Variants in TMTC2 observed in about 807,000 individuals in gnomAD.
TMTC2 encodes transmembrane O-mannosyltransferase targeting cadherins 2.
In TMTC2, 43 loss-of-function variants were observed where a neutral mutation model predicts 82.4. The observed-to-expected ratio is 0.52, with a 90% CI of 0.41 to 0.67. The LOEUF is 0.67. Ranked by LOEUF, TMTC2 falls within the 30% of genes least tolerant of loss-of-function variation. TMTC2 has a pLI of 0.00. For synonymous variants in TMTC2, 408 were observed against 381.9 expected (o/e 1.07, Z -0.80); for missense variants, 919 against 1,012.4 (o/e 0.91, Z 1.25).
At chr12:82,833,420 CT>C (rs373636253) in intron 1 of TMTC2, among the ~76,000 whole-genome samples, 29 of 152,132 alleles carry the variant, frequency 1.9e-4, no homozygotes, top group African/African-American at 6.0e-4. Context: ...AAAAAAACTT[CT>C]ATGTTTTAAA....
At chr12:82,710,216 C>G (rs559542913) in intron 1 of TMTC2, among the ~76,000 whole-genome samples, 4 of 152,294 alleles carry the variant, frequency 2.6e-5, no homozygotes, top group African/African-American at 7.2e-5. Context: ...TGGTGCTACT[C>G]GATCAATTGA....
intron 7 of TMTC2, among the ~76,000 whole-genome samples, chr12:82,975,280 CAGTA>C (rs898464827): frequency 6.6e-5 from 10 of 152,152 alleles, no homozygotes; most frequent in South Asian, 4.2e-4. Flanking sequence ...CTGATTTTCC[CAGTA>C]AGTAAGGGAA....
chr12:82,898,956 A>T (rs1459659882), intron 3 of TMTC2, among the ~76,000 whole-genome samples: 1 of 152,250 alleles, frequency 6.6e-6, no homozygotes, highest in East Asian at 1.9e-4. Context: ...ATTTTCCAGC[A>T]TTAGCTGGTA....
intron 7 of TMTC2, among the ~76,000 whole-genome samples, chr12:82,974,909 T>C (rs1878603101): frequency 6.6e-6 from 1 of 152,080 alleles, no homozygotes; most frequent in Non-Finnish European, 1.5e-5. Context: ...AGCACCCCTT[T>C]GGAAAGAGGA....
At chr12:82,981,112 T>C (rs893311897) in intron 7 of TMTC2, among the ~76,000 whole-genome samples, 14 of 151,578 alleles carry the variant, frequency 9.2e-5, no homozygotes, top group Non-Finnish European at 1.8e-4. Flanking sequence ...TGTTCAAGAG[T>C]TTTTTAAGAA....
intron 4 of TMTC2, among the ~76,000 whole-genome samples, chr12:82,950,039 G>T (rs1396886498): frequency 6.6e-6 from 1 of 152,146 alleles, no homozygotes; most frequent in Non-Finnish European, 1.5e-5. Context: ...TAATTAAGAA[G>T]CAGTGTGTAT....
At chr12:83,129,147 T>C (rs1406616345) in intron 11 of TMTC2, among the ~76,000 whole-genome samples, 1 of 152,206 alleles carries the variant, frequency 6.6e-6, no homozygotes, top group Non-Finnish European at 1.5e-5. Flanking sequence ...CCATTTATAT[T>C]TACACCAAAA....
intron 3 of TMTC2, among the ~76,000 whole-genome samples, chr12:82,911,607 T>A (rs1174226216): frequency 8.5e-5 from 13 of 152,118 alleles, no homozygotes; most frequent in Non-Finnish European, 1.9e-4. Flanking sequence ...TTTATTTTTT[T>A]CTTTTCTTTT....
At chr12:82,704,316 A>G (rs988735149) in intron 1 of TMTC2, among the ~76,000 whole-genome samples, 2 of 152,210 alleles carry the variant, frequency 1.3e-5, no homozygotes, top group African/African-American at 2.4e-5. Context: ...ACATCATAAG[A>G]TTGGACAGAA....
chr12:82,984,285 T>G (rs1382343365), intron 7 of TMTC2, among the ~76,000 whole-genome samples: 1 of 152,134 alleles, frequency 6.6e-6, no homozygotes, highest in Admixed American at 6.6e-5. Flanking sequence ...TTCATCGAAC[T>G]AGAAACACAT....
intron 2 of TMTC2, among the ~76,000 whole-genome samples, chr12:82,863,301 A>G (rs1046039995): frequency 2.6e-5 from 4 of 152,098 alleles, no homozygotes; most frequent in Non-Finnish European, 4.4e-5. Context: ...CTTACACTTG[A>G]CTTTGCGAGA....
chr12:83,001,487 T>C lies in TMTC2; in HGVS notation c.2070+15441T>C, dbSNP rs1879918800. 1.3e-5 allele frequency among the ~76,000 whole-genome samples: 2 copies of C among 151,574 alleles called. 1 individual carries two copies. Among genetic ancestry groups the C allele is most frequent in the South Asian group, 4.2e-4 (2 of 4,788 alleles). On this transcript the variant is annotated intron_variant, in intron 8 of 11. Transcript: ENST00000321196. Reference sequence around the variant, plus strand: ...ACCCCGTCTCTACTAAAAACAAAATTAGCTGGGCTTGGTGGCGCATGCTTG... The same window carrying C: ...ACCCCGTCTCTACTAAAAACAAAATCAGCTGGGCTTGGTGGCGCATGCTTG...
At position 83,132,531 on chromosome 12, in the gene TMTC2, G is replaced by T; in HGVS notation, c.*142G>T. ...GTCATTGAGGTCACTACCGCTTCTG[G>T]AAGAATCCACTTTGCTGTAGGCACA... On this transcript the variant is annotated 3_prime_UTR_variant, in exon 12 of 12. Coordinates refer to ENST00000321196, the MANE Select transcript of TMTC2 (RefSeq NM_152588.3). 1 of 926,448 alleles carries T rather than the reference G, an allele frequency of 1.1e-6. No individual in the cohort carries two copies. 57.4% of individuals were successfully genotyped at this position (926,448 alleles called of 1,614,324 possible).
At chr12:83,063,022 A>G (rs1228255892) in intron 11 of TMTC2, among the ~76,000 whole-genome samples, 3 of 151,906 alleles carry the variant, frequency 2.0e-5, no homozygotes, top group Non-Finnish European at 4.4e-5. Flanking sequence ...AAGCATACAA[A>G]TGTATTTAAT....
intron 11 of TMTC2, among the ~76,000 whole-genome samples, chr12:83,078,750 T>G (rs1464641995): frequency 6.6e-6 from 1 of 152,210 alleles, no homozygotes; most frequent in Non-Finnish European, 1.5e-5. Flanking sequence ...GGTTTTTATC[T>G]TCACTCTTTT....
Position 82,749,522 on chromosome 12 carries a change from G to C in TMTC2, c.83+61853G>C, listed in dbSNP as rs569214055. ...TTTTTTTTAATTTGGTATAAAAGCT[G>C]TACTGTGATTGTGAGACACAGCCTC... On this transcript the variant is annotated intron_variant, in intron 1 of 11. Coordinates refer to ENST00000321196, the MANE Select transcript of TMTC2 (RefSeq NM_152588.3). Among the ~76,000 whole-genome samples, 6 of 151,948 alleles carry C rather than the reference G, an allele frequency of 3.9e-5. No homozygotes were observed. In the South Asian group the frequency reaches 1.0e-3, roughly 26 times the overall value.
chr12:83,004,431 C>G (rs954053418), intron 8 of TMTC2, among the ~76,000 whole-genome samples: 3 of 152,182 alleles, frequency 2.0e-5, no homozygotes, highest in Non-Finnish European at 4.4e-5. Flanking sequence ...CTAGTGAGAT[C>G]ATTTGGAGGT....
intron 1 of TMTC2, among the ~76,000 whole-genome samples, chr12:82,820,082 G>A (rs994276916): frequency 4.6e-5 from 7 of 152,270 alleles, no homozygotes; most frequent in Non-Finnish European, 1.0e-4. Flanking sequence ...ACGGCAGGAA[G>A]CATCCAGCAC....
At chr12:82,744,141 G>A (rs1875559184) in intron 1 of TMTC2, among the ~76,000 whole-genome samples, 3 of 152,312 alleles carry the variant, frequency 2.0e-5, no homozygotes, top group Admixed American at 2.0e-4. Context: ...AAAATTAGCA[G>A]CCGGGCACGG....
Sources: allele counts gnomAD v4.1 joint callset (sites outside exome capture counted in the v4.1 genomes callset), GRCh38; gene constraint gnomAD v4.1.1; transcripts MANE v1.5; gene names NCBI Gene and HGNC (gene_info 2026-07-23, HGNC 2026-07-21).